The following JADE3 variants were observed in gnomAD, a reference collection of about 807,000 sequenced individuals.
JADE3 encodes jade family PHD finger 3.
JADE3 carries 2 observed loss-of-function variants against 50.1 expected under a neutral mutation model. That is an observed-to-expected ratio of 0.04 (90% CI 0.02 to 0.13). JADE3 has a LOEUF of 0.13. JADE3 is among the 10% of genes least tolerant of loss of function. The probability of loss-of-function intolerance (pLI) is 1.00; values close to 1 mark genes in which losing one functional copy is unlikely to be tolerated. For missense variants in JADE3, 475 were observed against 634.4 expected (o/e 0.75, Z 2.70); for synonymous variants, 218 against 232.9 (o/e 0.94, Z 0.58).
rs183526781 is a variant in JADE3, at chrX:46,942,885, T to C, written c.-12+30166T>C. Among the ~76,000 whole-genome samples the C allele has an allele frequency of 5.3e-3, 596 of 111,946 alleles. 2 individuals carry two copies. Among genetic ancestry groups the C allele is most frequent in the South Asian group, 0.025 (67 of 2,725 alleles). On this transcript the variant is annotated intron_variant, in intron 1 of 10. Transcript: ENST00000614628. ...ATGTCATTGTGATTTCTTTCAGCAG[T>C]GTTTTGTAGTTCTCCTTGTAAAGAT...
At chrX:46,951,809 C>T (rs933549200) in intron 1 of JADE3, among the ~76,000 whole-genome samples, 4 of 110,111 alleles carry the variant, frequency 3.6e-5, no homozygotes, top group South Asian at 7.7e-4. Flanking sequence ...ATTTTTATTT[C>T]GGTTGTTTTT....
At chrX:47,056,333 A>G (rs1268116505) in intron 10 of JADE3, 134 bp downstream of exon 10, 2 of 416,222 alleles carry the variant, frequency 4.8e-6, no homozygotes, top group Non-Finnish European at 4.2e-6. Flanking sequence ...CATTTGCTTC[A>G]GTCTAATCTT....
chrX:47,059,162 G>A lies in JADE3; in HGVS notation c.*85G>A. 1 of 672,503 alleles carries A rather than the reference G, an allele frequency of 1.5e-6. No individual in the cohort carries two copies. Among genetic ancestry groups the A allele is most frequent in the Non-Finnish European group, 2.2e-6 (1 of 461,644 alleles). The allele number at this position is 672,503 out of a possible 1,213,427, so 55.4% of individuals were successfully genotyped here. On this transcript the variant is annotated 3_prime_UTR_variant, in exon 11 of 11. Transcript: ENST00000614628. ...ATACACCAAAAGGATTTTAGCATAT[G>A]TTAAGAGGAATTGCAGTGAAAAGGA...
intron 8 of JADE3, among the ~76,000 whole-genome samples, chrX:47,053,721 A>G (rs1427548885): frequency 2.7e-5 from 3 of 112,645 alleles, no homozygotes; most frequent in African/African-American, 9.7e-5. Context: ...TGCTTCTTCA[A>G]TAGTTAATGA....
At chrX:47,021,324 G>A (rs1556364397) in intron 4 of JADE3, among the ~76,000 whole-genome samples, 1 of 111,449 alleles carries the variant, frequency 9.0e-6, no homozygotes, top group East Asian at 2.8e-4. Flanking sequence ...CATGCATTGT[G>A]TGAATATGCC....
At chrX:47,010,203 A>G (rs782806616) in intron 4 of JADE3, among the ~76,000 whole-genome samples, 1 of 110,929 alleles carries the variant, frequency 9.0e-6, no homozygotes, top group South Asian at 3.8e-4. Flanking sequence ...TTTAAGTGAG[A>G]TAATTCACCT....
Position 47,058,627 on chromosome X carries a change from T to C in JADE3, c.2022T>C (p.Ser674=), listed in dbSNP as rs782035839. 10 of 1,209,746 alleles carry C rather than the reference T, an allele frequency of 8.3e-6. No homozygotes were observed. Among genetic ancestry groups the C allele is most frequent in the Non-Finnish European group, 1.1e-5 (10 of 895,169 alleles). ...AKSNGLEGSW[S]GNVTQKDSSS... ...CCAATGGCCTGGAGGGCAGCTGGTCTGGGAATGTCACCCAAAAAGACAGCT... is the reference window on the plus strand; with the variant it reads ...CCAATGGCCTGGAGGGCAGCTGGTCCGGGAATGTCACCCAAAAAGACAGCT... Residue 674 remains serine, a synonymous_variant, in exon 11 of 11, where the codon TCT becomes TCC. Transcript: ENST00000614628.
chrX:47,058,891 G>A lies in JADE3; in HGVS notation c.2286G>A (p.Gln762=). ...LRRSAGRAPY[Q]ENDGYCPDLE... Reference sequence around the variant, plus strand: ...GGTCTGCAGGGAGAGCTCCATATCAGGAAAATGATGGCTATTGCCCAGATT... The same window carrying A: ...GGTCTGCAGGGAGAGCTCCATATCAAGAAAATGATGGCTATTGCCCAGATT... Residue 762 remains glutamine, a synonymous_variant, in exon 11 of 11, where the codon CAG becomes CAA. Transcript: ENST00000614628. 1 of 1,211,398 alleles carries A rather than the reference G, an allele frequency of 8.3e-7. No individual in the cohort carries two copies. Among genetic ancestry groups the A allele is most frequent in the Non-Finnish European group, 1.1e-6 (1 of 895,361 alleles).
intron 4 of JADE3, among the ~76,000 whole-genome samples, chrX:46,998,613 A>C (rs1182978418): frequency 1.8e-5 from 2 of 110,980 alleles, no homozygotes; most frequent in Admixed American, 1.9e-4. Context: ...AAACAGAATT[A>C]ATTACATAAT....
chrX:46,960,183 A>G (rs1452377451), intron 1 of JADE3, among the ~76,000 whole-genome samples: 7 of 108,956 alleles, frequency 6.4e-5, no homozygotes, highest in African/African-American at 2.3e-4. Flanking sequence ...TACCCCATCC[A>G]GGTCTGGGCA....
At chrX:46,932,428 A>G (rs782680334) in intron 1 of JADE3, among the ~76,000 whole-genome samples, 56 of 112,252 alleles carry the variant, frequency 5.0e-4, no homozygotes, top group African/African-American at 1.8e-3. Context: ...TAATTTAGCA[A>G]TTTTATTCGA....
chrX:47,024,349 C>T (rs1556365083), intron 4 of JADE3, among the ~76,000 whole-genome samples: 1 of 111,813 alleles, frequency 8.9e-6, no homozygotes, highest in Non-Finnish European at 1.9e-5. Context: ...AAACGTTAGC[C>T]AGGCATGGTG....
In JADE3 at chrX:46,975,937, C is replaced by G. The variant is rs1336962814; in HGVS notation, c.-11-8947C>G. Among the ~76,000 whole-genome samples, 3 of 108,796 alleles carry G rather than the reference C, an allele frequency of 2.8e-5. No homozygotes were observed. In the East Asian group the frequency reaches 8.6e-4, roughly 31 times the overall value. The allele number at this position is 108,796 out of a possible 115,157, so 94.5% of individuals were successfully genotyped here. ...GTTTCACCATGTTGGCCAGGCTGGT[C>G]TCGAAGTTATCTGATCCTGGCCTCA... On this transcript the variant is annotated intron_variant, in intron 1 of 10. Coordinates refer to ENST00000614628, the MANE Select transcript of JADE3 (RefSeq NM_014735.5).
intron 1 of JADE3, among the ~76,000 whole-genome samples, chrX:46,924,926 G>A (rs890994966): frequency 2.7e-5 from 3 of 111,547 alleles, no homozygotes; most frequent in South Asian, 3.8e-4. Context: ...GGTGCCATTC[G>A]CTTCAGCAGA....
At chrX:46,961,475 A>G (rs782717489) in intron 1 of JADE3, among the ~76,000 whole-genome samples, 31 of 112,472 alleles carry the variant, frequency 2.8e-4, no homozygotes, top group Non-Finnish European at 5.4e-4. Context: ...AAATCGTTGC[A>G]TATTAATAGC....
At chrX:47,014,054 C>A (rs781885574) in intron 4 of JADE3, among the ~76,000 whole-genome samples, 1 of 112,048 alleles carries the variant, frequency 8.9e-6, no homozygotes, top group Admixed American at 9.5e-5. Flanking sequence ...CTCATAAAGC[C>A]ATGTTTCATC....
At chrX:47,031,828 G>A (rs1415603976) in intron 6 of JADE3, among the ~76,000 whole-genome samples, 1 of 111,163 alleles carries the variant, frequency 9.0e-6, no homozygotes, top group African/African-American at 3.3e-5. Flanking sequence ...TCATGCCACA[G>A]CATTCCAGCC....
chrX:46,972,135 TGAAAG>T (rs781902533), intron 1 of JADE3, among the ~76,000 whole-genome samples: 4 of 112,159 alleles, frequency 3.6e-5, no homozygotes, highest in African/African-American at 9.7e-5. Flanking sequence ...TGAAAAATAA[TGAAAG>T]GAAGAATAAT....
intron 4 of JADE3, among the ~76,000 whole-genome samples, chrX:47,022,081 G>A (rs1556364583): frequency 1.8e-5 from 2 of 112,191 alleles, no homozygotes; most frequent in African/African-American, 6.5e-5. Context: ...AACATTTATA[G>A]CCTACCTTGT....
Sources: allele counts gnomAD v4.1 joint callset (sites outside exome capture counted in the v4.1 genomes callset), GRCh38; gene constraint gnomAD v4.1.1; transcripts MANE v1.5; gene names NCBI Gene and HGNC (gene_info 2026-07-23, HGNC 2026-07-21).